KCNMA1: variants seen among roughly 807,000 people sequenced by gnomAD.
The protein encoded by KCNMA1 is potassium calcium-activated channel subfamily M alpha 1.
A neutral mutation model predicts 140.0 loss-of-function variants in KCNMA1; 29 were observed. The ratio of observed to expected loss-of-function variants is 0.21; its 90% CI spans 0.15 to 0.28. KCNMA1 has a LOEUF of 0.28. Ranked by LOEUF, KCNMA1 falls within the 10% of genes least tolerant of loss-of-function variation. KCNMA1 has a pLI of 1.00. For missense variants in KCNMA1, 880 were observed against 1,602.2 expected, an observed-to-expected ratio of 0.55 and a Z score of 7.70; for synonymous variants, 612 against 611.9, an observed-to-expected ratio of 1.00 and a Z score of 0.00.
intron 1 of KCNMA1, among the ~76,000 whole-genome samples, chr10:77,446,173 A>C (rs2097526595): frequency 6.6e-6 from 1 of 152,158 alleles, no homozygotes; most frequent in South Asian, 2.1e-4. Flanking sequence ...TCCCACTCTT[A>C]CAGCCCCTGA....
chr10:77,458,365 C>A (rs2097794181), intron 1 of KCNMA1, among the ~76,000 whole-genome samples: 1 of 152,196 alleles, frequency 6.6e-6, no homozygotes, highest in Non-Finnish European at 1.5e-5. Flanking sequence ...GGTCCTCCTC[C>A]CTGAGGACCA....
intron 23 of KCNMA1, among the ~76,000 whole-genome samples, chr10:76,933,872 T>G (rs957019021): frequency 6.6e-6 from 1 of 152,250 alleles, no homozygotes; most frequent in African/African-American, 2.4e-5. Flanking sequence ...TATCCTTAAA[T>G]GTTCAATAAA....
chr10:76,917,372 C>A (rs533848829), intron 23 of KCNMA1, among the ~76,000 whole-genome samples: 1 of 152,224 alleles, frequency 6.6e-6, no homozygotes, highest in East Asian at 1.9e-4. Context: ...GCAGGTCACA[C>A]GGTATTAGGA....
intron 1 of KCNMA1, among the ~76,000 whole-genome samples, chr10:77,512,096 T>C (rs749765978): frequency 4.6e-5 from 7 of 152,246 alleles, no homozygotes; most frequent in African/African-American, 7.2e-5. Context: ...CCAAATGTCT[T>C]GGGTCATATA....
intron 19 of KCNMA1, among the ~76,000 whole-genome samples, chr10:76,992,877 C>G (rs544502042): frequency 5.3e-5 from 8 of 152,192 alleles, no homozygotes; most frequent in African/African-American, 1.9e-4. Context: ...TGTATTTCCA[C>G]TCGAGAAGGT....
chr10:77,597,676 G>A (rs2081326135), intron 1 of KCNMA1, among the ~76,000 whole-genome samples: 1 of 152,056 alleles, frequency 6.6e-6, no homozygotes, highest in Non-Finnish European at 1.5e-5. Context: ...TTCATTTCCT[G>A]CCTTTATTCC....
intron 1 of KCNMA1, among the ~76,000 whole-genome samples, chr10:77,501,493 A>C (rs2043863414): frequency 6.6e-6 from 1 of 152,190 alleles, no homozygotes. Context: ...GCAGTGTCAT[A>C]AACCCCTCCT....
chr10:77,342,823 C>T (rs1480675054), intron 2 of KCNMA1, among the ~76,000 whole-genome samples: 11 of 152,168 alleles, frequency 7.2e-5, no homozygotes, highest in Non-Finnish European at 1.6e-4. Flanking sequence ...TTCTCCATGC[C>T]TGGAGGAGCA....
intron 5 of KCNMA1, chr10:77,148,464 A>C (rs1055081103): frequency 6.6e-6 from 1 of 152,220 alleles, no homozygotes; most frequent in African/African-American, 2.4e-5. Flanking sequence ...GGCCTCAGGT[A>C]TCATGAGATT....
At chr10:77,022,744 C>CT (rs1397066677) in intron 16 of KCNMA1, among the ~76,000 whole-genome samples, 2 of 152,078 alleles carry the variant, frequency 1.3e-5, no homozygotes, top group African/African-American at 2.4e-5. Flanking sequence ...ATAAGTTTTC[C>CT]TTTTTTTCAC....
At chr10:77,071,643 T>C (rs1443920146) in intron 14 of KCNMA1, 1 of 152,208 alleles carries the variant, frequency 6.6e-6, no homozygotes, top group African/African-American at 2.4e-5. Context: ...TTAAAGAAGA[T>C]ACCTAAAGGA....
Position 77,121,062 on chromosome 10 carries a change from T to A in KCNMA1, c.809-14A>T. On this transcript the variant is annotated splice_polypyrimidine_tract_variant and intron_variant, in intron 5 of 27. Coordinates refer to ENST00000286628, the MANE Select transcript of KCNMA1 (RefSeq NM_001161352.2). ...AAAATCTCAAACCTGGAAAAAAGAA[T>A]GAAATAGAGATGCATTATTTTCAAT... 1 of 1,491,500 alleles carries A rather than the reference T, an allele frequency of 6.7e-7. No homozygotes were observed. The highest frequency in any genetic ancestry group is 1.4e-5 in the African/African-American group (1 of 72,724). 92.4% of individuals were successfully genotyped at this position (1,491,500 alleles called of 1,614,324 possible). A position where few individuals can be genotyped will look rare whatever the true frequency, so the allele number is the denominator to read the frequency against.
intron 7 of KCNMA1, among the ~76,000 whole-genome samples, chr10:77,111,561 G>C (rs2097324993): frequency 6.6e-6 from 1 of 152,230 alleles, no homozygotes; most frequent in Non-Finnish European, 1.5e-5. Flanking sequence ...CTGGGCAGGA[G>C]ACTCTAGATC....
intron 2 of KCNMA1, among the ~76,000 whole-genome samples, chr10:77,386,838 T>C (rs956407261): frequency 5.9e-5 from 9 of 152,188 alleles, no homozygotes; most frequent in Non-Finnish European, 1.2e-4. Flanking sequence ...TGTATTTATC[T>C]CTGTAAGCAC....
rs1159475405 is a variant in KCNMA1 at position 76,920,078 on chromosome 10, A to G, written c.2903-5029T>C. On this transcript the variant is annotated intron_variant, in intron 23 of 27. Coordinates refer to ENST00000286628, the MANE Select transcript of KCNMA1 (RefSeq NM_001161352.2). ...CACACAATATTCCTTATGTGATCAT[A>G]AGGAAAGAAGGACTATGGCTCAGAC... 3.0e-5 allele frequency among the ~76,000 whole-genome samples: 4 copies of G among 133,076 alleles called. 1 individual carries two copies. The highest frequency in any genetic ancestry group is 6.4e-5 in the Non-Finnish European group (4 of 62,598). 87.3% of individuals were successfully genotyped at this position (133,076 alleles called of 152,430 possible).
At chr10:77,181,230 T>C (rs2098799931) in intron 5 of KCNMA1, among the ~76,000 whole-genome samples, 1 of 152,070 alleles carries the variant, frequency 6.6e-6, no homozygotes, top group African/African-American at 2.4e-5. Context: ...AAACTGAGGA[T>C]CCAGAAAAGC....
chr10:77,295,333 G>A (rs1280920648), intron 2 of KCNMA1, among the ~76,000 whole-genome samples: 1 of 148,610 alleles, frequency 6.7e-6, no homozygotes, highest in Non-Finnish European at 1.5e-5. Flanking sequence ...GACAACAAGA[G>A]TGAAACTCGG....
chr10:77,461,087 C>G (rs1460393949), intron 1 of KCNMA1, among the ~76,000 whole-genome samples: 1 of 151,570 alleles, frequency 6.6e-6, no homozygotes, highest in African/African-American at 2.4e-5. Flanking sequence ...GCCTGGGTAA[C>G]AAGAGTGAAA....
rs187922794 is a variant in KCNMA1 at position 77,390,107 on chromosome 10, A to G, written c.540+13755T>C. Reference sequence around the variant, plus strand: ...ATGAAGGACAGTGAAGGGGATAAGAAAACATAAAGATATTTTGGGCTGCAA... The same window carrying G: ...ATGAAGGACAGTGAAGGGGATAAGAGAACATAAAGATATTTTGGGCTGCAA... On this transcript the variant is annotated intron_variant, in intron 2 of 27. Coordinates refer to ENST00000286628, the MANE Select transcript of KCNMA1 (RefSeq NM_001161352.2). 4.3e-3 allele frequency among the ~76,000 whole-genome samples: 648 copies of G among 152,346 alleles called. 2 individuals carry two copies. The highest frequency in any genetic ancestry group is 9.4e-3 in the Admixed American group (144 of 15,306).
Sources: gnomAD v4.1 joint callset for allele counts (sites outside exome capture counted in the v4.1 genomes callset) on GRCh38, gnomAD v4.1.1 for gene constraint, MANE v1.5 for transcripts, NCBI Gene and HGNC (gene_info 2026-07-23, HGNC 2026-07-21) for gene names.